The following WBP2NL variants were observed in gnomAD, a reference collection of about 807,000 sequenced individuals.
The protein encoded by WBP2NL is WBP2 N-terminal like.
WBP2NL carries 27 observed loss-of-function variants against 23.3 expected under a neutral mutation model. That is an observed-to-expected ratio of 1.16 (90% confidence interval 0.85 to 1.60). WBP2NL has a LOEUF of 1.60. Ranked by LOEUF, WBP2NL falls within the 40% of genes most tolerant of loss-of-function variation. The pLI is 0.00. For missense variants in WBP2NL, 370 were observed against 389.5 expected (o/e 0.95, Z 0.42); for synonymous variants, 151 against 145.9 (o/e 1.03, Z -0.25).
At chr22:42,018,236 G>A in intron 1 of WBP2NL, among the ~76,000 whole-genome samples, 1 of 149,496 alleles carries the variant, frequency 6.7e-6, no homozygotes, top group East Asian at 1.9e-4. Context: ...GATCACCTGA[G>A]CCCAGGAGGT....
intron 1 of WBP2NL, among the ~76,000 whole-genome samples, chr22:41,999,201 G>A (rs1921287557): frequency 6.6e-6 from 1 of 152,250 alleles, no homozygotes; most frequent in South Asian, 2.1e-4. Flanking sequence ...TTCGAAGAGA[G>A]GCCGGAGCTG....
intron 8 of WBP2NL, among the ~76,000 whole-genome samples, chr22:42,057,882 TA>T: frequency 9.7e-5 from 2 of 20,674 alleles, no homozygotes; most frequent in African/African-American, 2.0e-4. Flanking sequence ...TATATATATA[TA>T]TATATATATA....
At chr22:42,019,544 A>T in intron 2 of WBP2NL, 118 bp from the exon 3 acceptor site, 2 of 1,528,906 alleles carry the variant, frequency 1.3e-6, no homozygotes, top group Non-Finnish European at 1.8e-6. Context: ...TCCACACTGA[A>T]GGGTGGTGGA....
At chr22:42,001,069 T>C in intron 1 of WBP2NL, 1 of 897,540 alleles carries the variant, frequency 1.1e-6, no homozygotes, top group Non-Finnish European at 1.8e-6. Flanking sequence ...AGGAAATAAC[T>C]TACATGTACT....
intron 8 of WBP2NL, among the ~76,000 whole-genome samples, chr22:42,039,425 C>G (rs1444044292): frequency 6.6e-6 from 1 of 150,960 alleles, no homozygotes; most frequent in Admixed American, 6.6e-5. Context: ...ACTCTAGAGC[C>G]CAAGCAATCC....
chr22:42,045,764 A>G (rs1925564033), intron 8 of WBP2NL, among the ~76,000 whole-genome samples: 1 of 152,280 alleles, frequency 6.6e-6, no homozygotes, highest in South Asian at 2.1e-4. Flanking sequence ...GTTCACTGGT[A>G]AATTCAATAT....
chr22:41,998,923 C>CGG (rs1569443592), intron 1 of WBP2NL, 43 bp downstream of exon 1: 1 of 1,580,424 alleles, frequency 6.3e-7, no homozygotes, highest in Admixed American at 1.8e-5. Context: ...GGAGAGGAGA[C>CGG]GAATGAGATA....
chr22:42,019,546 G>T, intron 2 of WBP2NL, 116 bp from the exon 3 acceptor site: 1 of 1,519,726 alleles, frequency 6.6e-7, no homozygotes, highest in Non-Finnish European at 9.0e-7. Flanking sequence ...CACACTGAAG[G>T]GTGGTGGAAG....
Position 42,040,614 on chromosome 22 carries a change from G to A in WBP2NL, c.*273+9791G>A, listed in dbSNP as rs1049904244. On this transcript the variant is annotated intron_variant and NMD_transcript_variant, in intron 8 of 8. Transcript: ENST00000436265. Reference sequence around the variant, plus strand: ...TGCTGATTCCTGTAAATTTTAGAAAGTTAGAATTTTATTTTTGTCTCAAGA... The same window carrying A: ...TGCTGATTCCTGTAAATTTTAGAAAATTAGAATTTTATTTTTGTCTCAAGA... 1.6e-4 allele frequency among the ~76,000 whole-genome samples: 24 copies of A among 152,288 alleles called. 1 individual carries two copies. The highest frequency in any genetic ancestry group is 5.1e-4 in the African/African-American group (21 of 41,552).
At chr22:42,020,896 ATATATATATATATT>A (rs1923886531) in intron 4 of WBP2NL, among the ~76,000 whole-genome samples, 6 of 37,246 alleles carry the variant, frequency 1.6e-4, no homozygotes, top group African/African-American at 2.9e-4. Context: ...ATATATATAT[ATATATATATATATT>A]TTTTTTTTTT....
chr22:41,999,048 G>A (rs1921249176), intron 1 of WBP2NL, among the ~76,000 whole-genome samples, 168 bp downstream of exon 1: 1 of 152,004 alleles, frequency 6.6e-6, no homozygotes, highest in Non-Finnish European at 1.5e-5. Flanking sequence ...CTGGTGTTCC[G>A]GCATGTGGAG....
At chr22:42,051,104 T>C (rs1157150528) in intron 8 of WBP2NL, among the ~76,000 whole-genome samples, 4 of 152,256 alleles carry the variant, frequency 2.6e-5, no homozygotes, top group Admixed American at 6.5e-5. Context: ...CCTTGAATAG[T>C]TGAATGGATA....
At chr22:41,998,915 A>G (rs766848943) in intron 1 of WBP2NL, 35 bp downstream of exon 1, 4 of 1,590,994 alleles carry the variant, frequency 2.5e-6, no homozygotes, top group Non-Finnish European at 3.4e-6. Flanking sequence ...CTGTCGGAGG[A>G]GAGGAGACGA....
intron 5 of WBP2NL, among the ~76,000 whole-genome samples, chr22:42,026,456 A>G (rs1396019074): frequency 6.6e-6 from 1 of 152,020 alleles, no homozygotes; most frequent in Non-Finnish European, 1.5e-5. Flanking sequence ...CCAAACGCAT[A>G]TTCCTCATTA....
At chr22:42,019,212 C>G in intron 1 of WBP2NL, 99 bp from the exon 2 acceptor site, 1 of 1,097,626 alleles carries the variant, frequency 9.1e-7, no homozygotes, top group Non-Finnish European at 1.3e-6. Context: ...CAGAGTAAGA[C>G]TCTGTCTCAA....
intron 1 of WBP2NL, among the ~76,000 whole-genome samples, chr22:42,013,990 C>A (rs1184996797): frequency 6.6e-6 from 1 of 152,084 alleles, no homozygotes; most frequent in Non-Finnish European, 1.5e-5. Flanking sequence ...CCATGTTGGT[C>A]AGGCTGGGCT....
chr22:42,026,751 C>G lies in WBP2NL; in HGVS notation c.515-15C>G, dbSNP rs1301939723. The G allele has an allele frequency of 6.2e-7, 1 of 1,601,634 alleles. No homozygotes were observed. The highest frequency in any genetic ancestry group is 8.5e-7 in the Non-Finnish European group (1 of 1,174,436). ...AAAGGTAACTGAATTTTTTTCCTTC[C>G]ATTATAATTCCCAGTTATTGTCTAT... is the stretch of plus-strand genomic sequence containing the variant. On this transcript the variant is annotated splice_polypyrimidine_tract_variant and intron_variant, in intron 5 of 5. Coordinates refer to ENST00000328823, the MANE Select transcript of WBP2NL (RefSeq NM_152613.3).
Position 42,026,796 on chromosome 22 carries a change from A to G in WBP2NL, c.545A>G (p.Tyr182Cys). The G allele has an allele frequency of 3.1e-6, 5 of 1,613,970 alleles. No homozygotes were observed. The highest frequency in any genetic ancestry group is 4.2e-6 in the Non-Finnish European group (5 of 1,179,964). The change falls in exon 6 of 6, where the codon TAT becomes TGT. Residue 182 changes from tyrosine to cysteine, a missense_variant. By Grantham distance (194) the Tyr-to-Cys change is radical. Coordinates refer to ENST00000328823, the MANE Select transcript of WBP2NL (RefSeq NM_152613.3). ...VIVYGAPPAG[Y>C]GAPPPGYGAP... ...GTCTATGGAGCCCCACCTGCAGGAT[A>G]TGGAGCCCCACCTCCCGGATACGGA...
chr22:42,037,118 C>G (rs1277077139), downstream of WBP2NL, among the ~76,000 whole-genome samples: 5 of 135,998 alleles, frequency 3.7e-5, no homozygotes, highest in Non-Finnish European at 7.8e-5. Flanking sequence ...GAGATGGGGT[C>G]AGATTTCATT....
Sources: gnomAD v4.1 joint callset for allele counts (sites outside exome capture counted in the v4.1 genomes callset) on GRCh38, gnomAD v4.1.1 for gene constraint, MANE v1.5 for transcripts, NCBI Gene and HGNC (gene_info 2026-07-23, HGNC 2026-07-21) for gene names.